The following TAFA1 variants were observed in gnomAD, a reference collection of about 807,000 sequenced individuals.
The protein encoded by TAFA1 is chemokine-like protein TAFA-1.
In TAFA1, 4 loss-of-function variants were observed where a neutral mutation model predicts 18.5. The observed-to-expected ratio is 0.22, with a 90% confidence interval of 0.11 to 0.49. The LOEUF (loss-of-function observed/expected upper bound fraction) is 0.49, where lower values mean the gene tolerates loss of function less well. Among genes scored for constraint, TAFA1 ranks in the 20% least tolerant of loss-of-function variants. The pLI, the probability that TAFA1 is intolerant of heterozygous loss-of-function variation, is 0.98. For missense variants in TAFA1, 147 were observed against 169.0 expected, an observed-to-expected ratio of 0.87 and a Z score of 0.72; for synonymous variants, 56 against 55.2, an observed-to-expected ratio of 1.01 and a Z score of -0.06.
intron 2 of TAFA1, among the ~76,000 whole-genome samples, chr3:68,183,984 C>T (rs1171089762): frequency 6.6e-6 from 1 of 152,096 alleles, no homozygotes; most frequent in African/African-American, 2.4e-5. Flanking sequence ...AAAAGATATT[C>T]CCCTTCATTA....
At chr3:68,514,818 T>C (rs1182062238) in intron 3 of TAFA1, among the ~76,000 whole-genome samples, 1 of 152,186 alleles carries the variant, frequency 6.6e-6, no homozygotes, top group Non-Finnish European at 1.5e-5. Context: ...AATCAGTCAC[T>C]GTGGCCAAAG....
intron 2 of TAFA1, among the ~76,000 whole-genome samples, chr3:68,182,843 T>C (rs563539909): frequency 6.6e-6 from 1 of 152,322 alleles, no homozygotes; most frequent in African/African-American, 2.4e-5. Flanking sequence ...TCATGTTTTA[T>C]GGATGCTGTT....
chr3:68,098,411 A>G (rs2065112221), intron 2 of TAFA1, among the ~76,000 whole-genome samples: 2 of 152,154 alleles, frequency 1.3e-5, no homozygotes, highest in African/African-American at 4.8e-5. Flanking sequence ...CATAAAATGG[A>G]AAGAATAAAA....
chr3:68,417,661 G>A lies in TAFA1; in HGVS notation c.259+241G>A, dbSNP rs116333810. 9.2e-3 allele frequency: 4,393 copies of A among 479,058 alleles called. 118 individuals carry two copies. The highest frequency in any genetic ancestry group is 0.047 in the African/African-American group (2,377 of 50,920). 29.7% of individuals were successfully genotyped at this position (479,058 alleles called of 1,614,324 possible). On this transcript the variant is annotated intron_variant, in intron 3 of 4. Coordinates refer to ENST00000478136, the MANE Select transcript of TAFA1 (RefSeq NM_213609.4). ...GCTTGCCATTGCAGCATTGAGAGGTGGGACCTTTGAGAGGTGACTGGGCTG... is the reference window on the plus strand; with the variant it reads ...GCTTGCCATTGCAGCATTGAGAGGTAGGACCTTTGAGAGGTGACTGGGCTG...
At chr3:68,455,542 C>G (rs750292432) in intron 3 of TAFA1, among the ~76,000 whole-genome samples, 1 of 152,162 alleles carries the variant, frequency 6.6e-6, no homozygotes, top group African/African-American at 2.4e-5. Context: ...TCCTCATCAT[C>G]AGGTTTCGAT....
chr3:68,315,373 G>T (rs17232177), intron 2 of TAFA1, among the ~76,000 whole-genome samples: 62,613 of 151,968 alleles, frequency 0.41, 15,022 homozygotes, highest in Non-Finnish European at 0.54. Flanking sequence ...GGGAATGGCC[G>T]TTCTACCTCC....
intron 2 of TAFA1, among the ~76,000 whole-genome samples, chr3:68,360,392 T>C (rs1463900933): frequency 1.3e-5 from 2 of 152,024 alleles, no homozygotes; most frequent in Non-Finnish European, 1.5e-5. Flanking sequence ...TGTTATACAT[T>C]GTGGTATTCC....
chr3:68,309,025 C>A (rs906161712), intron 2 of TAFA1, among the ~76,000 whole-genome samples: 5 of 152,112 alleles, frequency 3.3e-5, no homozygotes, highest in African/African-American at 1.2e-4. Flanking sequence ...GAAACCTTAC[C>A]CTTGATCTGG....
intron 3 of TAFA1, among the ~76,000 whole-genome samples, chr3:68,471,898 G>A (rs2072003165): frequency 6.6e-6 from 1 of 152,192 alleles, no homozygotes; most frequent in South Asian, 2.1e-4. Context: ...TACCCCCATT[G>A]TATCTAGGAA....
At chr3:68,387,310 AG>A (rs1024419725) in intron 2 of TAFA1, among the ~76,000 whole-genome samples, 36 of 152,222 alleles carry the variant, frequency 2.4e-4, no homozygotes, top group Admixed American at 2.2e-3. Context: ...AGTTTGCAAA[AG>A]GGGGCTATTT....
chr3:68,289,652 G>C (rs1575750197), intron 2 of TAFA1, among the ~76,000 whole-genome samples: 1 of 152,188 alleles, frequency 6.6e-6, no homozygotes, highest in African/African-American at 2.4e-5. Flanking sequence ...GCTTGGATTT[G>C]AGTGAAATGG....
chr3:68,083,985 A>AT (rs1343284123), intron 2 of TAFA1, among the ~76,000 whole-genome samples: 2 of 152,140 alleles, frequency 1.3e-5, no homozygotes, highest in Non-Finnish European at 2.9e-5. Context: ...CCCTATTTAA[A>AT]TGTCAGAGAG....
chr3:68,247,607 C>G (rs111442898), intron 2 of TAFA1: 1 of 152,266 alleles, frequency 6.6e-6, no homozygotes, highest in African/African-American at 2.4e-5. Flanking sequence ...CCAACTCCCC[C>G]ACCCGTGTCA....
chr3:68,543,867 T>A (rs115881434), intron 4 of TAFA1, among the ~76,000 whole-genome samples: 153 of 152,222 alleles, frequency 1.0e-3, no homozygotes, highest in African/African-American at 3.6e-3. Context: ...ACAGTGTCAT[T>A]GAGTGCAACA....
intron 2 of TAFA1, among the ~76,000 whole-genome samples, chr3:68,020,293 G>A (rs1452414432): frequency 1.3e-5 from 2 of 152,082 alleles, no homozygotes; most frequent in Admixed American, 1.3e-4. Flanking sequence ...AGTCTGCAGG[G>A]ACAGGGGAAA....
At chr3:68,427,485 T>C (rs936602244) in intron 3 of TAFA1, among the ~76,000 whole-genome samples, 3 of 151,896 alleles carry the variant, frequency 2.0e-5, no homozygotes, top group African/African-American at 7.2e-5. Flanking sequence ...AGGATACTGG[T>C]ACATTGCTAT....
At chr3:68,074,371 T>C (rs957240398) in intron 2 of TAFA1, among the ~76,000 whole-genome samples, 1 of 152,176 alleles carries the variant, frequency 6.6e-6, no homozygotes, top group African/African-American at 2.4e-5. Context: ...TGGGAACCCC[T>C]GCCTTAGAGG....
At chr3:68,314,760 A>G (rs954067354) in intron 2 of TAFA1, among the ~76,000 whole-genome samples, 1 of 152,034 alleles carries the variant, frequency 6.6e-6, no homozygotes, top group Non-Finnish European at 1.5e-5. Context: ...CAGCTTCCCC[A>G]TCTTAATGAA....
chr3:68,328,174 A>G (rs1038319838), intron 2 of TAFA1, among the ~76,000 whole-genome samples: 1 of 151,906 alleles, frequency 6.6e-6, no homozygotes, highest in Non-Finnish European at 1.5e-5. Context: ...CATATTTTAT[A>G]TTTTCTACAT....
Sources: allele counts gnomAD v4.1 joint callset (sites outside exome capture counted in the v4.1 genomes callset), GRCh38; gene constraint gnomAD v4.1.1; transcripts MANE v1.5; gene names NCBI Gene and HGNC (gene_info 2026-07-23, HGNC 2026-07-21).